CIAO3: variants seen among roughly 807,000 people sequenced by gnomAD.
CIAO3 encodes cytosolic iron-sulfur assembly component 3, also known as LET1 like/JFP15.
In CIAO3, 45 loss-of-function variants were observed where a neutral mutation model predicts 51.5. The ratio of observed to expected loss-of-function variants is 0.87; its 90% confidence interval spans 0.69 to 1.12. The LOEUF (loss-of-function observed/expected upper bound fraction) is 1.12, where lower values mean the gene tolerates loss of function less well. Among genes scored for constraint, CIAO3 ranks in the 50% most tolerant of loss-of-function variants. The probability of loss-of-function intolerance (pLI) is 0.00; values close to 1 mark genes in which losing one functional copy is unlikely to be tolerated. For synonymous variants in CIAO3, 314 were observed against 269.3 expected (o/e 1.17, Z -1.63); for missense variants, 668 against 632.5 (o/e 1.06, Z -0.60).
chr16:731,597 G>A lies in CIAO3; in HGVS notation c.1002C>T (p.Ile334=), dbSNP rs1474683109. ...GTTTGTAGGTAACCTCAGCCACATG[G>A]ATTCCAAAGAGCTCTCGGGCCGCGT... The part of the protein sequence containing the change: ...FRHAARELFG[I]HVAEVTYKPL... Residue 334 remains isoleucine (I), a synonymous_variant, in exon 9 of 11, where the codon ATC becomes ATT. Coordinates refer to ENST00000251588, the MANE Select transcript of CIAO3 (RefSeq NM_022493.3). The A allele has an allele frequency of 6.4e-7, 1 of 1,567,226 alleles. No homozygotes were observed. Among genetic ancestry groups the A allele is most frequent in the Admixed American group, 1.9e-5 (1 of 53,714 alleles).
chr16:737,365 C>G lies in CIAO3; in HGVS notation c.163-36G>C, dbSNP rs772316338. 9 of 1,610,988 alleles carry G rather than the reference C, an allele frequency of 5.6e-6. No homozygotes were observed. The highest frequency in any genetic ancestry group is 8.5e-7 in the Non-Finnish European group (1 of 1,179,108). On this transcript the variant is annotated intron_variant, in intron 2 of 10. Coordinates refer to ENST00000251588, the MANE Select transcript of CIAO3 (RefSeq NM_022493.3). This position sits in a 1 kb window ranked among gnomAD's most constrained non-coding sequence, Gnocchi z 5.3. ...GAAGAACCCGGTGCACAGGGGCCCC[C>G]TCTGCACGAGGACATGGAGACAGAG... is the stretch of plus-strand genomic sequence containing the variant.
chr16:737,102 C>T lies in CIAO3; in HGVS notation c.306+84G>A, dbSNP rs544351172. Reference sequence around the variant, plus strand: ...CCGCACGACGGACGTCGGCACCACACGAGCTGCCCTTGGCAAAACGCGTTG... The same window carrying T: ...CCGCACGACGGACGTCGGCACCACATGAGCTGCCCTTGGCAAAACGCGTTG... On this transcript the variant is annotated intron_variant, in intron 3 of 10. Transcript: ENST00000251588. This position sits in a 1 kb window ranked among gnomAD's most constrained non-coding sequence, Gnocchi z 5.3. 5.5e-5 allele frequency: 87 copies of T among 1,577,906 alleles called. No individual in the cohort carries two copies. Among genetic ancestry groups the T allele is most frequent in the Admixed American group, 2.0e-4 (12 of 59,464 alleles).
chr16:739,868 G>A, intron 1 of CIAO3, 130 bp from the exon 2 acceptor site: 1 of 1,229,456 alleles, frequency 8.1e-7, no homozygotes, highest in South Asian at 1.3e-5. Flanking sequence ...CTCAGGGACT[G>A]AGGCTGGTCC....
In CIAO3 at chr16:731,374, G is replaced by C. The variant is rs1023863199; in HGVS notation, c.1034+191C>G. The C allele has an allele frequency of 5.3e-6, 4 of 751,200 alleles. No individual in the cohort carries two copies. The South Asian group carries it at 8.8e-5, about 17-fold the overall frequency. 46.5% of individuals were successfully genotyped at this position (751,200 alleles called of 1,614,324 possible). On this transcript the variant is annotated intron_variant, in intron 9 of 10. Transcript: ENST00000251588. ...CCCACAATGGGCCGACTGAGGCCTG[G>C]AGTGCTTAGGTGCCTTCACACCCTG...
chr16:731,700 C>T lies in CIAO3; in HGVS notation c.899G>A (p.Cys300Tyr), dbSNP rs369070882. Residue 300 changes from cysteine (C) to tyrosine (Y), a missense_variant and splice_region_variant, in exon 9 of 11, where the codon TGC becomes TAC. By Grantham distance (194) the Cys-to-Tyr change is radical. Coordinates refer to ENST00000251588, the MANE Select transcript of CIAO3 (RefSeq NM_022493.3). ...GGGCTCCTCTGCAGAGGCACCGCTG[C>T]ACCTGGCAAGGAGGGAGGGGCCTCA... ...DLEPAPLDSL[C>Y]SGASAEEPTS... is the part of the protein sequence containing the mutation. 3 of 1,552,014 alleles carry T rather than the reference C, an allele frequency of 1.9e-6. No individual in the cohort carries two copies. Among genetic ancestry groups the T allele is most frequent in the Admixed American group, 1.9e-5 (1 of 52,674 alleles).
At chr16:733,262 G>C (rs1219357680) in intron 7 of CIAO3, 36 bp downstream of exon 7, 1 of 1,609,420 alleles carries the variant, frequency 6.2e-7, no homozygotes, top group Non-Finnish European at 8.5e-7. Flanking sequence ...CAGACCAGGA[G>C]GCTTGAGGGC....
At chr16:736,865 T>C (rs2041344320) in intron 3 of CIAO3, 3 of 367,448 alleles carry the variant, frequency 8.2e-6, no homozygotes, top group Non-Finnish European at 1.5e-5. Context: ...GGTTTCACCA[T>C]GTTGGCCACG....
At chr16:738,099 G>A (rs1248154698) in intron 2 of CIAO3, 2 of 1,029,580 alleles carry the variant, frequency 1.9e-6, no homozygotes, top group African/African-American at 3.5e-5. Flanking sequence ...TCCTACGTTG[G>A]TTCTGCCCCA....
At chr16:733,148 G>A (rs1596671246) in intron 7 of CIAO3, 150 bp downstream of exon 7, 2 of 1,021,064 alleles carry the variant, frequency 2.0e-6, no homozygotes, top group Non-Finnish European at 2.8e-6. Context: ...GGCTCCAAGG[G>A]GAGAGACGAA....
chr16:737,096 A>C lies in CIAO3; in HGVS notation c.306+90T>G. 2 of 1,568,318 alleles carry C rather than the reference A, an allele frequency of 1.3e-6. No homozygotes were observed. Among genetic ancestry groups the C allele is most frequent in the Non-Finnish European group, 1.7e-6 (2 of 1,143,336 alleles). ...CGCCACCCGCACGACGGACGTCGGCACCACACGAGCTGCCCTTGGCAAAAC... is the reference window on the plus strand; with the variant it reads ...CGCCACCCGCACGACGGACGTCGGCCCCACACGAGCTGCCCTTGGCAAAAC... On this transcript the variant is annotated intron_variant, in intron 3 of 10. Coordinates refer to ENST00000251588, the MANE Select transcript of CIAO3 (RefSeq NM_022493.3). The surrounding 1 kb of genome is among the most constrained non-coding windows in gnomAD (Gnocchi z 5.3).
chr16:733,359 G>A lies in CIAO3; in HGVS notation c.762C>T (p.Ser254=). The A allele has an allele frequency of 6.2e-7, 1 of 1,613,890 alleles. No individual in the cohort carries two copies. ...GCTCCTGGTTGAAAAAGTCGGGTCT[G>A]GAGGCTTCCAGCTTTTTGTCATAGC... is the stretch of plus-strand genomic sequence containing the variant. The part of the protein sequence containing the change: ...MPCYDKKLEA[S]RPDFFNQEHQ... The change falls in exon 7 of 11, where the codon TCC becomes TCT. Residue 254 remains serine, a synonymous_variant. Transcript: ENST00000251588.
At chr16:732,607 G>C (rs2041295916) in intron 7 of CIAO3, 1 of 641,108 alleles carries the variant, frequency 1.6e-6, no homozygotes, top group Non-Finnish European at 2.9e-6. Flanking sequence ...TGCTCACCCA[G>C]TGTCCATCTG....
At position 730,180 on chromosome 16, in the gene CIAO3, G is replaced by A. The variant is rs2041257157; in HGVS notation, c.*237C>T. The A allele has an allele frequency of 1.7e-6, 1 of 586,036 alleles. No individual in the cohort carries two copies. Among genetic ancestry groups the A allele is most frequent in the South Asian group, 2.0e-5 (1 of 49,172 alleles). 36.3% of individuals were successfully genotyped at this position (586,036 alleles called of 1,614,324 possible). ...ACGGAACAGGCTCTGGGACCTCAGG[G>A]AACCTTCTGCTGCCTGGGCCACCCC... On this transcript the variant is annotated 3_prime_UTR_variant, in exon 11 of 11. Transcript: ENST00000251588.
chr16:732,135 C>G (rs535231229), intron 8 of CIAO3, 166 bp downstream of exon 8: 1 of 735,520 alleles, frequency 1.4e-6, no homozygotes, highest in East Asian at 2.5e-5. Context: ...ACCTTGGCCT[C>G]CCAAAGTGCT....
chr16:732,404 T>C (rs771720049), intron 7 of CIAO3, 31 bp from the exon 8 acceptor site: 1 of 1,610,606 alleles, frequency 6.2e-7, no homozygotes, highest in South Asian at 1.1e-5. Flanking sequence ...AGACACTCTT[T>C]AGCGGAGATC....
chr16:734,589 C>A, intron 5 of CIAO3, 148 bp downstream of exon 5: 1 of 1,411,510 alleles, frequency 7.1e-7, no homozygotes, highest in Non-Finnish European at 9.9e-7. Context: ...CCAGAAAAGG[C>A]CATTTGTGCC....
At position 736,376 on chromosome 16, in the gene CIAO3, C is replaced by T. The variant is rs1382964129; in HGVS notation, c.329G>A (p.Arg110Lys). The change falls in exon 4 of 11, where the codon AGG becomes AAG. Residue 110 changes from arginine (R) to lysine (K), a missense_variant. Transcript: ENST00000251588. ...TGGTGAGACCGAAACTACAACCAGCCTCTGCTGACTGGGTGCCGCCATCTG... is the reference window on the plus strand; with the variant it reads ...TGGTGAGACCGAAACTACAACCAGCTTCTGCTGACTGGGTGCCGCCATCTG... ...ANKMAAPSQQ[R>K]LVVVSVSPQS... 6.2e-7 allele frequency: 1 copy of T among 1,612,998 alleles called. No individual in the cohort carries two copies. The highest frequency in any genetic ancestry group is 1.1e-5 in the South Asian group (1 of 91,084).
At position 737,261 on chromosome 16, in the gene CIAO3, G is replaced by A. The variant is rs938543828; in HGVS notation, c.231C>T (p.Cys77=). ...TAAGCACGGTCTCTGCGGAGGTGATGCAGCCGCTGCACGCCAGGCAGTCGT... is the reference window on the plus strand; with the variant it reads ...TAAGCACGGTCTCTGCGGAGGTGATACAGCCGCTGCACGCCAGGCAGTCGT... The part of the protein sequence containing the change: ...SLNDCLACSG[C]ITSAETVLIT... The change falls in exon 3 of 11, where the codon TGC becomes TGT. Residue 77 remains cysteine, a synonymous_variant. Transcript: ENST00000251588. The surrounding 1 kb of genome is among the most constrained non-coding windows in gnomAD (Gnocchi z 5.3). The A allele has an allele frequency of 3.7e-6, 6 of 1,613,512 alleles. No individual in the cohort carries two copies. Among genetic ancestry groups the A allele is most frequent in the Non-Finnish European group, 5.1e-6 (6 of 1,180,018 alleles).
chr16:738,247 C>A, intron 2 of CIAO3: 1 of 987,942 alleles, frequency 1.0e-6, no homozygotes, highest in Non-Finnish European at 1.2e-6. Context: ...TGGGCTGGGC[C>A]CCCAGTGCTG....
Sources: allele counts gnomAD v4.1 joint callset, GRCh38; gene constraint gnomAD v4.1.1; non-coding constraint Gnocchi (gnomAD v3.1); transcripts MANE v1.5; gene names NCBI Gene and HGNC (gene_info 2026-07-23, HGNC 2026-07-21).